Variants in PARD3 observed in about 807,000 individuals in gnomAD.
PARD3 encodes par-3 family cell polarity regulator.
In PARD3, 75 loss-of-function variants were observed where a neutral mutation model predicts 155.4. The observed-to-expected ratio is 0.48, with a 90% CI of 0.40 to 0.58. The LOEUF (loss-of-function observed/expected upper bound fraction) is 0.58, where lower values mean the gene tolerates loss of function less well. Ranked by LOEUF, PARD3 falls within the 20% of genes least tolerant of loss-of-function variation. The pLI is 0.00. For missense variants in PARD3, 1,642 were observed against 1,721.7 expected (o/e 0.95, Z 0.82); for synonymous variants, 576 against 610.5 (o/e 0.94, Z 0.83).
intron 14 of PARD3, among the ~76,000 whole-genome samples, chr10:34,353,035 C>T (rs1838324880): frequency 6.6e-6 from 1 of 151,748 alleles, no homozygotes; most frequent in Admixed American, 6.6e-5. Flanking sequence ...TGCCCGGCCG[C>T]CCCGTCTGAG....
intron 20 of PARD3, among the ~76,000 whole-genome samples, chr10:34,302,342 G>T (rs1005578170): frequency 1.3e-5 from 2 of 152,180 alleles, no homozygotes; most frequent in African/African-American, 4.8e-5. Flanking sequence ...GTACCAGGAG[G>T]AGTTCTAAAA....
chr10:34,391,629 G>A (rs1333174646), intron 7 of PARD3, among the ~76,000 whole-genome samples: 1 of 152,058 alleles, frequency 6.6e-6, no homozygotes, highest in African/African-American at 2.4e-5. Context: ...TTATATTTGA[G>A]GGGGAAATTA....
intron 4 of PARD3, among the ~76,000 whole-genome samples, chr10:34,460,630 G>A (rs573318309): frequency 2.6e-5 from 4 of 152,088 alleles, no homozygotes; most frequent in South Asian, 2.1e-4. Flanking sequence ...TCAGGAGATC[G>A]AGACCATCCT....
chr10:34,794,416 A>C (rs1039290501), intron 1 of PARD3, among the ~76,000 whole-genome samples: 1 of 152,234 alleles, frequency 6.6e-6, no homozygotes, highest in Non-Finnish European at 1.5e-5. Context: ...CAGGCACACA[A>C]AAGTTAATTT....
intron 1 of PARD3, among the ~76,000 whole-genome samples, chr10:34,773,302 C>T (rs1231434223): frequency 1.3e-5 from 2 of 152,168 alleles, no homozygotes; most frequent in Admixed American, 1.3e-4. Flanking sequence ...TGGCCTAGTA[C>T]AAGCATGTTT....
chr10:34,696,032 G>T lies in PARD3; in HGVS notation c.222+286C>A, dbSNP rs539933580. Among the ~76,000 whole-genome samples, 27 of 152,316 alleles carry T rather than the reference G, an allele frequency of 1.8e-4. No homozygotes were observed. The South Asian group carries it at 5.4e-3, about 30-fold the overall frequency. On this transcript the variant is annotated intron_variant, in intron 2 of 24. Coordinates refer to ENST00000374788, the MANE Select transcript of PARD3 (RefSeq NM_001184785.2). The stretch of plus-strand genomic sequence containing the variant: ...TGTTATGTTTGGTTAAATTAAGGCA[G>T]AATATGGCATAGAAATCTTTTTGTG...
chr10:34,349,588 A>G (rs1777638326), intron 14 of PARD3, among the ~76,000 whole-genome samples: 1 of 143,210 alleles, frequency 7.0e-6, no homozygotes, highest in African/African-American at 2.7e-5. Flanking sequence ...AGTAAAAAAA[A>G]AAAAAAAAAA....
chr10:34,602,410 A>C (rs887629408), intron 2 of PARD3, among the ~76,000 whole-genome samples: 3 of 152,208 alleles, frequency 2.0e-5, no homozygotes, highest in African/African-American at 7.2e-5. Flanking sequence ...TCTAATTATG[A>C]ATGAAAATAC....
At chr10:34,630,502 G>A (rs1590311246) in intron 2 of PARD3, among the ~76,000 whole-genome samples, 1 of 149,878 alleles carries the variant, frequency 6.7e-6, no homozygotes. Flanking sequence ...AGGCTGGAGT[G>A]CAGTGGCACA....
At chr10:34,343,621 T>C (rs987683768) in intron 15 of PARD3, 121 of 985,272 alleles carry the variant, frequency 1.2e-4, no homozygotes, top group South Asian at 1.4e-4. Context: ...GCTCCAAGAT[T>C]ATACCAGGGT....
intron 2 of PARD3, among the ~76,000 whole-genome samples, chr10:34,634,876 G>A (rs1291187229): frequency 1.3e-5 from 2 of 152,182 alleles, no homozygotes; most frequent in African/African-American, 2.4e-5. Context: ...AGCAAACAGG[G>A]GGAATCTGAA....
chr10:34,782,353 G>A (rs188629697), intron 1 of PARD3, among the ~76,000 whole-genome samples: 1 of 152,328 alleles, frequency 6.6e-6, no homozygotes, highest in East Asian at 1.9e-4. Flanking sequence ...AGGTTACCCA[G>A]GGAATCTTGA....
intron 2 of PARD3, among the ~76,000 whole-genome samples, chr10:34,526,645 G>A (rs761559378): frequency 1.3e-5 from 2 of 152,154 alleles, no homozygotes; most frequent in Non-Finnish European, 2.9e-5. Flanking sequence ...ACCAGGGCTT[G>A]GTTCCACGGG....
At chr10:34,120,344 G>A (rs1257033486) in intron 23 of PARD3, among the ~76,000 whole-genome samples, 1 of 151,744 alleles carries the variant, frequency 6.6e-6, no homozygotes, top group Non-Finnish European at 1.5e-5. Context: ...GCTGACATAA[G>A]ACACCATTTA....
At chr10:34,146,242 C>A (rs1351419203) in intron 22 of PARD3, among the ~76,000 whole-genome samples, 1 of 151,858 alleles carries the variant, frequency 6.6e-6, no homozygotes, top group African/African-American at 2.4e-5. Context: ...TTTCAAATAG[C>A]TTAAATGTCT....
intron 1 of PARD3, among the ~76,000 whole-genome samples, chr10:34,749,103 C>T (rs547719313): frequency 6.6e-6 from 1 of 152,332 alleles, no homozygotes; most frequent in Non-Finnish European, 1.5e-5. Context: ...TAGTCCTATT[C>T]TCTTACTTCA....
chr10:34,249,388 C>G (rs1016368807), intron 22 of PARD3, among the ~76,000 whole-genome samples: 5 of 152,152 alleles, frequency 3.3e-5, no homozygotes, highest in African/African-American at 1.2e-4. Context: ...AAAACTGGCA[C>G]AGCTAGTGAA....
chr10:34,673,984 C>CAAAAAAA (rs200637507), intron 2 of PARD3, among the ~76,000 whole-genome samples: 2 of 117,172 alleles, frequency 1.7e-5, no homozygotes, highest in Non-Finnish European at 1.7e-5. Flanking sequence ...GAGTCTGCAT[C>CAAAAAAA]AAAAAAAAAA....
intron 19 of PARD3, among the ~76,000 whole-genome samples, chr10:34,321,175 A>C (rs1387889849): frequency 6.6e-6 from 1 of 152,202 alleles, no homozygotes; most frequent in Non-Finnish European, 1.5e-5. Context: ...TGTACATTTA[A>C]TACTAGCTTT....
Sources: gnomAD v4.1 joint callset for allele counts (sites outside exome capture counted in the v4.1 genomes callset) on GRCh38, gnomAD v4.1.1 for gene constraint, MANE v1.5 for transcripts, NCBI Gene and HGNC (gene_info 2026-07-23, HGNC 2026-07-21) for gene names.